Variants in ZFYVE16 observed in about 807,000 individuals in gnomAD.
ZFYVE16 encodes the protein zinc finger FYVE-type containing 16, also known as zinc finger FYVE domain-containing protein 16.
In ZFYVE16, 89 loss-of-function variants were observed where a neutral mutation model predicts 138.1. The observed-to-expected ratio is 0.64, with a 90% CI of 0.54 to 0.77. ZFYVE16 has a LOEUF of 0.77. Among genes scored for constraint, ZFYVE16 ranks in the 30% least tolerant of loss-of-function variants. ZFYVE16 has a pLI of 0.00. For missense variants in ZFYVE16, 1,793 were observed against 1,786.7 expected (o/e 1.00, Z -0.06); for synonymous variants, 596 against 618.3 (o/e 0.96, Z 0.53).
chr5:80,458,248 T>A (rs904478943), intron 14 of ZFYVE16, among the ~76,000 whole-genome samples: 1 of 152,150 alleles, frequency 6.6e-6, no homozygotes. Flanking sequence ...ATTTGTTGAA[T>A]AGGTATATTT....
At chr5:80,441,664 A>C (rs924042274) in intron 5 of ZFYVE16, 1 of 945,264 alleles carries the variant, frequency 1.1e-6, no homozygotes, top group East Asian at 1.4e-4. Flanking sequence ...TCCTGAGATT[A>C]TGTGAGTTTC....
rs569289584 is a variant in ZFYVE16 at position 80,421,122 on chromosome 5, C to T, written c.-93-6370C>T. ...TTGAGAAGTGTCTATTCATATCCTTCGCCCACTTTTTGATGGGGTTGTTTG... is the reference window on the plus strand; with the variant it reads ...TTGAGAAGTGTCTATTCATATCCTTTGCCCACTTTTTGATGGGGTTGTTTG... On this transcript the variant is annotated intron_variant, in intron 1 of 18. Transcript: ENST00000505560. Among the ~76,000 whole-genome samples, 17 of 152,230 alleles carry T rather than the reference C, an allele frequency of 1.1e-4. No individual in the cohort carries two copies. In the South Asian group the frequency reaches 2.1e-3, roughly 19 times the overall value.
At chr5:80,413,471 C>CAAAAAAAAAAA (rs70988468) in intron 1 of ZFYVE16, among the ~76,000 whole-genome samples, 1 of 124,528 alleles carries the variant, frequency 8.0e-6, no homozygotes, top group Non-Finnish European at 1.6e-5. Flanking sequence ...AACTTCATCT[C>CAAAAAAAAAAA]AAAAAAAAAA....
At chr5:80,439,507 G>C (rs1033611553) in intron 4 of ZFYVE16, among the ~76,000 whole-genome samples, 3 of 152,036 alleles carry the variant, frequency 2.0e-5, no homozygotes, top group Admixed American at 6.6e-5. Context: ...TAAATTCTAA[G>C]GGTTGCCCAT....
intron 1 of ZFYVE16, among the ~76,000 whole-genome samples, chr5:80,415,818 C>T (rs1228451886): frequency 6.6e-6 from 1 of 152,014 alleles, no homozygotes; most frequent in South Asian, 2.1e-4. Flanking sequence ...CAGGCACGTG[C>T]CACCACACCC....
At chr5:80,473,676 C>A (rs911535458) in intron 16 of ZFYVE16, 78 bp from the exon 17 acceptor site, 2 of 998,388 alleles carry the variant, frequency 2.0e-6, no homozygotes, top group African/African-American at 3.3e-5. Flanking sequence ...TCCCTCATTC[C>A]ATTTGTTCAA....
chr5:80,447,120 C>T (rs1275377059), intron 7 of ZFYVE16, among the ~76,000 whole-genome samples: 2 of 151,978 alleles, frequency 1.3e-5, no homozygotes, highest in African/African-American at 4.8e-5. Flanking sequence ...AAAAATTAGC[C>T]AGGTATTGTG....
rs1304758098 is a variant in ZFYVE16, at chr5:80,482,023, G to A, written c.*4646G>A. ...TTTAATAGAGACAGAGTTTCACCAC[G>A]TTGGCCAGGCTGGTCTCAAACTCCT... On this transcript the variant is annotated 3_prime_UTR_variant, in exon 19 of 19. Coordinates refer to ENST00000505560, the MANE Select transcript of ZFYVE16 (RefSeq NM_001284236.3). Among the ~76,000 whole-genome samples, 8 of 152,248 alleles carry A rather than the reference G, an allele frequency of 5.3e-5. No individual in the cohort carries two copies. The highest frequency in any genetic ancestry group is 1.9e-4 in the East Asian group (1 of 5,184).
chr5:80,418,975 G>C (rs1035944412), intron 1 of ZFYVE16, among the ~76,000 whole-genome samples: 34 of 151,670 alleles, frequency 2.2e-4, no homozygotes, highest in Admixed American at 2.2e-3. Flanking sequence ...ATTTTTCATA[G>C]AGATGTCCAG....
At chr5:80,461,055 T>G (rs975767895) in intron 15 of ZFYVE16, among the ~76,000 whole-genome samples, 2 of 152,202 alleles carry the variant, frequency 1.3e-5, no homozygotes, top group Admixed American at 6.5e-5. Flanking sequence ...AACTACAGAT[T>G]AGGCATTCCA....
rs938011750 is a variant in ZFYVE16 at position 80,483,205 on chromosome 5, T to G, written c.*5828T>G. 6.6e-6 allele frequency: 1 copy of G among 152,200 alleles called. No homozygotes were observed. Among genetic ancestry groups the G allele is most frequent in the Non-Finnish European group, 1.5e-5 (1 of 68,036 alleles). 9.4% of individuals were successfully genotyped at this position (152,200 alleles called of 1,614,324 possible). A position where few individuals can be genotyped will look rare whatever the true frequency, so the allele number is the denominator to read the frequency against. ...ATTGTCAGAAGAAGGAAAGCTAAAA[T>G]AATTCATTGCTAGTAGTCCTCCTTT... On this transcript the variant is annotated 3_prime_UTR_variant, in exon 19 of 19. Transcript: ENST00000505560.
Position 80,437,975 on chromosome 5 carries a change from G to GA in ZFYVE16, c.1292dup (p.Asn431LysfsTer2). 1 of 1,613,912 alleles carries GA rather than the reference G, an allele frequency of 6.2e-7. No homozygotes were observed. On this transcript the variant is annotated frameshift_variant, in exon 4 of 19. Transcript: ENST00000505560. LOFTEE classifies it high-confidence loss of function. ...TTCTAGGTGGGGAACCATTCAAAGA[G>GA]AATGATCTTTTGAAACAGGAAAAAT... is the stretch of plus-strand genomic sequence containing the variant.
At chr5:80,462,073 A>G (rs1161718188) in intron 15 of ZFYVE16, among the ~76,000 whole-genome samples, 1 of 152,180 alleles carries the variant, frequency 6.6e-6, no homozygotes, top group Admixed American at 6.5e-5. Flanking sequence ...AACTCCAAAT[A>G]CAGTTACATT....
rs1266801861 is a variant in ZFYVE16 at position 80,478,655 on chromosome 5, C to T, written c.*1278C>T. On this transcript the variant is annotated 3_prime_UTR_variant, in exon 19 of 19. Transcript: ENST00000505560. ...GAAAAAGAAATTATGTTAAATAGCC[C>T]TGTTTTAAGAAAAATATTTATGAAG... is the stretch of plus-strand genomic sequence containing the variant. 4.6e-5 allele frequency: 7 copies of T among 152,004 alleles called. No homozygotes were observed. Among genetic ancestry groups the T allele is most frequent in the Non-Finnish European group, 1.0e-4 (7 of 67,946 alleles). 9.4% of individuals were successfully genotyped at this position (152,004 alleles called of 1,614,324 possible).
At position 80,438,324 on chromosome 5, in the gene ZFYVE16, A is replaced by G; in HGVS notation, c.1639A>G (p.Ile547Val). 1 of 1,613,796 alleles carries G rather than the reference A, an allele frequency of 6.2e-7. No homozygotes were observed. The highest frequency in any genetic ancestry group is 8.5e-7 in the Non-Finnish European group (1 of 1,179,902). The change falls in exon 4 of 19, where the codon ATA becomes GTA. Residue 547 changes from isoleucine to valine, a missense_variant. By Grantham distance (29) the Ile-to-Val change is conservative (BLOSUM62 3). This residue lies in a region of ZFYVE16 where 1,295 missense variants were observed against 1,204.3 expected (regional missense o/e 1.08). Coordinates refer to ENST00000505560, the MANE Select transcript of ZFYVE16 (RefSeq NM_001284236.3). The part of the protein sequence containing the change: ...LTEQYLQTTN[I>V]KSFEENVNDS... ...AGAACAGTATCTTCAGACCACTAAC[A>G]TAAAGTCTTTTGAAGAAAATGTAAA...
intron 9 of ZFYVE16, 88 bp from the exon 10 acceptor site, chr5:80,450,343 A>G: frequency 7.5e-7 from 1 of 1,341,710 alleles, no homozygotes; most frequent in Non-Finnish European, 1.0e-6. Flanking sequence ...AGGAATTTGA[A>G]AAGTTATGTT....
intron 15 of ZFYVE16, among the ~76,000 whole-genome samples, chr5:80,462,557 TG>T (rs1372284900): frequency 6.6e-6 from 1 of 152,088 alleles, no homozygotes; most frequent in Non-Finnish European, 1.5e-5. Flanking sequence ...GAGATTTGGG[TG>T]GGGACACAAA....
At chr5:80,474,524 A>AC in intron 17 of ZFYVE16, 139 bp from the exon 18 acceptor site, 3 of 862,952 alleles carry the variant, frequency 3.5e-6, no homozygotes, top group Admixed American at 2.9e-5. Flanking sequence ...AGTACAGATC[A>AC]AGCTATCGAT....
intron 1 of ZFYVE16, among the ~76,000 whole-genome samples, chr5:80,414,768 G>A (rs1407477569): frequency 2.0e-5 from 3 of 152,140 alleles, no homozygotes; most frequent in African/African-American, 7.2e-5. Context: ...ACAAAACATT[G>A]GGAGTTTGTA....
Sources: gnomAD v4.1 joint callset for allele counts (sites outside exome capture counted in the v4.1 genomes callset) on GRCh38, gnomAD v4.1.1 for gene constraint, gnomAD v4.1.1 regional missense constraint, MANE v1.5 for transcripts, NCBI Gene and HGNC (gene_info 2026-07-23, HGNC 2026-07-21) for gene names.